BCO2: variants seen among roughly 807,000 people sequenced by gnomAD.
The protein encoded by BCO2 is beta-carotene oxygenase 2.
In BCO2, 56 loss-of-function variants were observed where a neutral mutation model predicts 65.8. That is an observed-to-expected ratio of 0.85 (90% CI 0.69 to 1.06). The LOEUF (loss-of-function observed/expected upper bound fraction) is 1.06, where lower values mean the gene tolerates loss of function less well. Ranked by LOEUF, BCO2 falls within the 50% of genes least tolerant of loss-of-function variation. BCO2 has a pLI of 0.00. For missense variants in BCO2, 675 were observed against 698.5 expected (o/e 0.97, Z 0.38); for synonymous variants, 233 against 242.3 (o/e 0.96, Z 0.36).
chr11:112,202,203 A>T lies in BCO2; in HGVS notation c.1194+13A>T, dbSNP rs1348941465. The T allele has an allele frequency of 1.3e-6, 2 of 1,595,890 alleles. No homozygotes were observed. Among genetic ancestry groups the T allele is most frequent in the Middle Eastern group, 1.7e-4 (1 of 5,952 alleles). Reference sequence around the variant, plus strand: ...AGGGCTTGATCAGGTAAACATTAGAATTTGTCAAGAGTCATCAAAATAATT... The same window carrying T: ...AGGGCTTGATCAGGTAAACATTAGATTTTGTCAAGAGTCATCAAAATAATT... On this transcript the variant is annotated intron_variant, in intron 8 of 11. Transcript: ENST00000357685.
At chr11:112,214,986 G>T in intron 10 of BCO2, 42 bp downstream of exon 10, 1 of 1,575,382 alleles carries the variant, frequency 6.3e-7, no homozygotes, top group African/African-American at 1.3e-5. Context: ...TCAGAGACCT[G>T]TTCTTCCCTT....
intron 8 of BCO2, among the ~76,000 whole-genome samples, chr11:112,203,269 CT>C (rs1867781371): frequency 1.3e-5 from 2 of 152,100 alleles, no homozygotes; most frequent in Admixed American, 1.3e-4. Context: ...CTATAATTGT[CT>C]TTTTAAATGT....
At chr11:112,213,695 A>C in intron 8 of BCO2, 29 bp from the exon 9 acceptor site, 1 of 1,607,562 alleles carries the variant, frequency 6.2e-7, no homozygotes, top group African/African-American at 1.3e-5. Context: ...ATGAATGACA[A>C]TTTTCATCTC....
At position 112,175,515 on chromosome 11, in the gene BCO2, CAGTTCT is replaced by C; in HGVS notation, c.-86_-81del. 1 of 941,994 alleles carries C rather than the reference CAGTTCT, an allele frequency of 1.1e-6. No homozygotes were observed. Among genetic ancestry groups the C allele is most frequent in the Non-Finnish European group, 1.7e-6 (1 of 584,500 alleles). 58.4% of individuals were successfully genotyped at this position (941,994 alleles called of 1,614,324 possible). On this transcript the variant is annotated 5_prime_UTR_variant, in exon 1 of 12. Transcript: ENST00000357685. Reference sequence around the variant, plus strand: ...GTCAGTGAGGGAGGGACAGTCCAGGCAGTTCTGTGCGTGTTCACTGTTTAGTAGTAC... The same window carrying C: ...GTCAGTGAGGGAGGGACAGTCCAGGCGTGCGTGTTCACTGTTTAGTAGTAC...
At position 112,179,483 on chromosome 11, in the gene BCO2, G is replaced by T; in HGVS notation, c.293+1G>T. The T allele has an allele frequency of 6.2e-7, 1 of 1,613,404 alleles. No homozygotes were observed. Among genetic ancestry groups the T allele is most frequent in the Non-Finnish European group, 8.5e-7 (1 of 1,179,472 alleles). ...GGAAATTCGAGTTTGGGAAGGATAA[G>T]TAAGCCTTGATTTTGGAGAACAACT... On this transcript the variant is annotated splice_donor_variant, in intron 2 of 11. Coordinates refer to ENST00000357685, the MANE Select transcript of BCO2 (RefSeq NM_031938.7). LOFTEE classifies it high-confidence loss of function.
chr11:112,186,246 G>A (rs1867198026), intron 2 of BCO2, among the ~76,000 whole-genome samples: 1 of 152,226 alleles, frequency 6.6e-6, no homozygotes, highest in Non-Finnish European at 1.5e-5. Flanking sequence ...AAACCAAGTA[G>A]CAGAACCACT....
chr11:112,201,213 T>C (rs1270943718), intron 7 of BCO2, among the ~76,000 whole-genome samples: 1 of 151,942 alleles, frequency 6.6e-6, no homozygotes, highest in Admixed American at 6.6e-5. Flanking sequence ...AGTGGGGAGA[T>C]CTCAGCTCAC....
At chr11:112,215,064 C>T (rs949100013) in intron 10 of BCO2, 120 bp downstream of exon 10, 1 of 1,001,444 alleles carries the variant, frequency 1.0e-6, no homozygotes, top group Non-Finnish European at 1.5e-6. Flanking sequence ...GAGCCATTTT[C>T]TTTTATTTGA....
Position 112,202,007 on chromosome 11 carries a change from G to T in BCO2, c.1027-16G>T. 2 of 1,538,858 alleles carry T rather than the reference G, an allele frequency of 1.3e-6. No individual in the cohort carries two copies. The highest frequency in any genetic ancestry group is 1.7e-4 in the Middle Eastern group (1 of 5,734). The stretch of plus-strand genomic sequence containing the variant: ...CTAAAAAAAATTTTTTTCATTGTTT[G>T]TGTTTTCCCCTGCAGCTCCTTCCAG... On this transcript the variant is annotated splice_polypyrimidine_tract_variant and intron_variant, in intron 7 of 11. Coordinates refer to ENST00000357685, the MANE Select transcript of BCO2 (RefSeq NM_031938.7).
chr11:112,205,197 A>G (rs1323527786), intron 8 of BCO2, among the ~76,000 whole-genome samples: 2 of 152,156 alleles, frequency 1.3e-5, no homozygotes, highest in Non-Finnish European at 2.9e-5. Context: ...TTCAAGGGTC[A>G]TCTGTATTTT....
chr11:112,187,964 T>C (rs952720407), intron 2 of BCO2, among the ~76,000 whole-genome samples: 3 of 152,156 alleles, frequency 2.0e-5, no homozygotes, highest in African/African-American at 7.2e-5. Flanking sequence ...TGTAGCAAAG[T>C]GCTTAGCACA....
chr11:112,198,739 G>A (rs866379061), intron 5 of BCO2, among the ~76,000 whole-genome samples: 24 of 152,220 alleles, frequency 1.6e-4, no homozygotes, highest in African/African-American at 5.3e-4. Context: ...AGTGACCCTA[G>A]CTAGGGGTCC....
intron 1 of BCO2, among the ~76,000 whole-genome samples, chr11:112,178,596 A>C (rs1866946231): frequency 6.6e-6 from 1 of 151,982 alleles, no homozygotes; most frequent in Non-Finnish European, 1.5e-5. Flanking sequence ...AGTAATGTTA[A>C]AATAATAGGG....
Position 112,183,049 on chromosome 11 carries a change from C to G in BCO2, c.293+3567C>G, listed in dbSNP as rs866890102. ...TTGAAGAACTGTAACCTCAGAGGAG[C>G]GACTCTGGCAGGAACTGATTTAGAT... On this transcript the variant is annotated intron_variant, in intron 2 of 11. Coordinates refer to ENST00000357685, the MANE Select transcript of BCO2 (RefSeq NM_031938.7). The G allele has an allele frequency of 2.6e-6, 3 of 1,166,212 alleles. No homozygotes were observed. In the South Asian group the frequency reaches 3.7e-5, roughly 14 times the overall value. The allele number at this position is 1,166,212 out of a possible 1,614,324, so 72.2% of individuals were successfully genotyped here.
intron 5 of BCO2, among the ~76,000 whole-genome samples, chr11:112,195,452 T>TC (rs1449061713): frequency 3.3e-5 from 5 of 150,158 alleles, no homozygotes; most frequent in Non-Finnish European, 7.4e-5. Context: ...TTTTTTTATT[T>TC]TTTATTTTTT....
At chr11:112,184,054 TCAAAAC>T (rs1168343779) in intron 2 of BCO2, among the ~76,000 whole-genome samples, 1 of 152,176 alleles carries the variant, frequency 6.6e-6, no homozygotes, top group Non-Finnish European at 1.5e-5. Context: ...GGAAGATACT[TCAAAAC>T]CAAAAAACCA....
In BCO2 at chr11:112,193,640, T is replaced by G. The variant is rs1484009855; in HGVS notation, c.460T>G (p.Cys154Gly). 6.2e-7 allele frequency: 1 copy of G among 1,614,188 alleles called. No homozygotes were observed. The highest frequency in any genetic ancestry group is 8.5e-7 in the Non-Finnish European group (1 of 1,180,022). ...EFGTLALPDP[C>G]KNVFERFMSR... ...TGGCACACTGGCTCTCCCGGATCCA[T>G]GCAAGAATGTTTTTGAACGTTTCAT... Residue 154 changes from cysteine to glycine, a missense_variant, in exon 3 of 12, where the codon TGC (cysteine) becomes GGC (glycine). Coordinates refer to ENST00000357685, the MANE Select transcript of BCO2 (RefSeq NM_031938.7).
Position 112,200,627 on chromosome 11 carries a change from T to A in BCO2, c.880T>A (p.Tyr294Asn), listed in dbSNP as rs755809066. ...GAACCTTTTAGGAATGACAAGGAAC[T>A]ATATAATTTTCATTGAACAACCTCT... The part of the protein sequence containing the change: ...YYHSFGMTRN[Y>N]IIFIEQPLKM... Residue 294 changes from tyrosine (Y) to asparagine (N), a missense_variant, in exon 7 of 12, where the codon TAT (tyrosine) becomes AAT (asparagine). Physicochemically the swap from Tyr to Asn is moderately radical, Grantham distance 143. Transcript: ENST00000357685. 1 of 1,607,406 alleles carries A rather than the reference T, an allele frequency of 6.2e-7. No homozygotes were observed. The highest frequency in any genetic ancestry group is 2.2e-5 in the East Asian group (1 of 44,816).
chr11:112,207,692 G>T (rs11214133), intron 8 of BCO2, among the ~76,000 whole-genome samples: 15,921 of 152,180 alleles, frequency 0.1, 1,235 homozygotes, highest in East Asian at 0.39. Flanking sequence ...CAAAAATATG[G>T]TCACATTTTA....
Sources: allele counts gnomAD v4.1 joint callset (sites outside exome capture counted in the v4.1 genomes callset), GRCh38; gene constraint gnomAD v4.1.1; transcripts MANE v1.5; gene names NCBI Gene and HGNC (gene_info 2026-07-23, HGNC 2026-07-21).